Variants in ADAMTS14 observed in about 807,000 individuals in gnomAD.
The protein encoded by ADAMTS14 is ADAM metallopeptidase with thrombospondin type 1 motif 14, also known as A disintegrin and metalloproteinase with thrombospondin motifs 14.
ADAMTS14 carries 100 observed loss-of-function variants against 128.6 expected under a neutral mutation model. The ratio of observed to expected loss-of-function variants is 0.78; its 90% CI spans 0.66 to 0.92. ADAMTS14 has a LOEUF of 0.92. ADAMTS14 is among the 40% of genes least tolerant of loss of function. The pLI is 0.00. For missense variants in ADAMTS14, 1,562 were observed against 1,658.6 expected, an observed-to-expected ratio of 0.94 and a Z score of 1.01; for synonymous variants, 665 against 653.8, an observed-to-expected ratio of 1.02 and a Z score of -0.26.
chr10:70,717,476 G>A (rs10999479), intron 4 of ADAMTS14, among the ~76,000 whole-genome samples: 2 of 151,984 alleles, frequency 1.3e-5, no homozygotes, highest in Admixed American at 1.3e-4. Context: ...TGGCATCTAG[G>A]TGTGGCGGGA....
Position 70,757,839 on chromosome 10 carries a change from C to T in ADAMTS14, c.2938-123C>T, listed in dbSNP as rs1842512150. The T allele has an allele frequency of 5.7e-6, 8 of 1,392,132 alleles. 1 individual carries two copies. The South Asian group carries it at 7.0e-5, about 12-fold the overall frequency. The allele number at this position is 1,392,132 out of a possible 1,614,324, so 86.2% of individuals were successfully genotyped here. A position where few individuals can be genotyped will look rare whatever the true frequency, so the allele number is the denominator to read the frequency against. ...CCTCTGGTCAAGTGAAGACTTGGTG[C>T]TCTCCTTTGTACCCTTTCTGTCCCC... On this transcript the variant is annotated intron_variant, in intron 19 of 21. Coordinates refer to ENST00000373207, the MANE Select transcript of ADAMTS14 (RefSeq NM_080722.4).
In ADAMTS14 at chr10:70,734,042, G is replaced by A; in HGVS notation, c.1352+14G>A. Reference sequence around the variant, plus strand: ...CCGCTACCTCCCGTAGGTCATTCCTGCCCTCAGAGCTGGGATAGGGGAGCA... The same window carrying A: ...CCGCTACCTCCCGTAGGTCATTCCTACCCTCAGAGCTGGGATAGGGGAGCA... On this transcript the variant is annotated intron_variant, in intron 8 of 21. Coordinates refer to ENST00000373207, the MANE Select transcript of ADAMTS14 (RefSeq NM_080722.4). The A allele has an allele frequency of 1.2e-6, 2 of 1,609,590 alleles. No individual in the cohort carries two copies. Among genetic ancestry groups the A allele is most frequent in the Non-Finnish European group, 1.7e-6 (2 of 1,179,226 alleles).
rs33982477 is a variant in ADAMTS14, at chr10:70,755,313, CAAA to C, written c.2937+1321_2937+1323del. Among the ~76,000 whole-genome samples the C allele has an allele frequency of 2.2e-3, 261 of 118,194 alleles. 1 individual carries two copies. Among genetic ancestry groups the C allele is most frequent in the Middle Eastern group, 8.3e-3 (2 of 242 alleles). The allele number at this position is 118,194 out of a possible 152,430, so 77.5% of individuals were successfully genotyped here. A position where few individuals can be genotyped will look rare whatever the true frequency, so the allele number is the denominator to read the frequency against. On this transcript the variant is annotated intron_variant, in intron 19 of 21. Transcript: ENST00000373207. ...AGTGACAGAGCAAGAGCTTGTCTCA[CAAA>C]AAAAAAAAAAAAAAGAAAAGAAATA...
intron 4 of ADAMTS14, among the ~76,000 whole-genome samples, chr10:70,712,646 C>A (rs183230416): frequency 1.3e-5 from 2 of 152,216 alleles, no homozygotes; most frequent in South Asian, 2.1e-4. Context: ...AACCTGCCTG[C>A]GTGCAGACAG....
chr10:70,734,058 T>C (rs1330069850), intron 8 of ADAMTS14, 30 bp downstream of exon 8: 66 of 1,600,306 alleles, frequency 4.1e-5, no homozygotes, highest in Non-Finnish European at 5.4e-5. Context: ...AGAGCTGGGA[T>C]AGGGGAGCAT....
Position 70,754,146 on chromosome 10 carries a change from A to G in ADAMTS14, c.2937+139A>G, listed in dbSNP as rs578046473. 120 of 771,424 alleles carry G rather than the reference A, an allele frequency of 1.6e-4. No homozygotes were observed. In the African/African-American group the frequency reaches 1.9e-3, roughly 12 times the overall value. The allele number at this position is 771,424 out of a possible 1,614,324, so 47.8% of individuals were successfully genotyped here. A position where few individuals can be genotyped will look rare whatever the true frequency, so the allele number is the denominator to read the frequency against. On this transcript the variant is annotated intron_variant, in intron 19 of 21. Coordinates refer to ENST00000373207, the MANE Select transcript of ADAMTS14 (RefSeq NM_080722.4). Reference sequence around the variant, plus strand: ...AATTTTGTTTTCCTTAAAGTAGAATAGCTCCTACGTACCCTGGGCCGTGGC... The same window carrying G: ...AATTTTGTTTTCCTTAAAGTAGAATGGCTCCTACGTACCCTGGGCCGTGGC...
At chr10:70,735,007 T>C (rs1841778789) in intron 8 of ADAMTS14, among the ~76,000 whole-genome samples, 162 bp from the exon 9 acceptor site, 1 of 152,208 alleles carries the variant, frequency 6.6e-6, no homozygotes, top group Non-Finnish European at 1.5e-5. Context: ...AGTGAGGGGC[T>C]GCTCAAGGCA....
Position 70,702,483 on chromosome 10 carries a change from G to C in ADAMTS14, c.679+15G>C, listed in dbSNP as rs1251371163. The C allele has an allele frequency of 1.9e-6, 3 of 1,590,028 alleles. No homozygotes were observed. Among genetic ancestry groups the C allele is most frequent in the Non-Finnish European group, 2.6e-6 (3 of 1,167,708 alleles). On this transcript the variant is annotated intron_variant, in intron 3 of 21. Transcript: ENST00000373207. ...GCACAATGAAGGTAGGCTGTAGGTA[G>C]GGGCCTGTGTGCTGCTTCTCTCCCT...
At position 70,730,185 on chromosome 10, in the gene ADAMTS14, C is replaced by A; in HGVS notation, c.1038C>A (p.Asp346Glu). 1 of 1,613,958 alleles carries A rather than the reference C, an allele frequency of 6.2e-7. No homozygotes were observed. The highest frequency in any genetic ancestry group is 8.5e-7 in the Non-Finnish European group (1 of 1,180,022). ...GGGCACACTCCCAGCAGCGCCAGGA[C>A]CCCAGCCACGCTGAGCACCATGACC... ...CRWAHSQQRQ[D>E]PSHAEHHDHV... The change falls in exon 6 of 22, where the codon GAC becomes GAA. Residue 346 changes from aspartate to glutamate, a missense_variant. By Grantham distance (45) the Asp-to-Glu change is conservative (BLOSUM62 2). Transcript: ENST00000373207.
At chr10:70,714,412 C>T (rs536875436) in intron 4 of ADAMTS14, among the ~76,000 whole-genome samples, 1 of 152,306 alleles carries the variant, frequency 6.6e-6, no homozygotes, top group African/African-American at 2.4e-5. Context: ...GGGCTGGGAT[C>T]TGAGCACCAC....
intron 2 of ADAMTS14, among the ~76,000 whole-genome samples, chr10:70,692,696 A>G (rs1840225962): frequency 6.6e-6 from 1 of 152,248 alleles, no homozygotes; most frequent in Non-Finnish European, 1.5e-5. Flanking sequence ...CTTATTGCCT[A>G]AAGACAAGTC....
In ADAMTS14 at chr10:70,679,072, C is replaced by A. The variant is rs575488613; in HGVS notation, c.522+4077C>A. ...GAGGGGTTTGTAGGCTAGTGGGGAC[C>A]CAGACATAAAAGCAAACTTGAGAAT... is the stretch of plus-strand genomic sequence containing the variant. On this transcript the variant is annotated intron_variant, in intron 2 of 21. Coordinates refer to ENST00000373207, the MANE Select transcript of ADAMTS14 (RefSeq NM_080722.4). Among the ~76,000 whole-genome samples, 8 of 152,160 alleles carry A rather than the reference C, an allele frequency of 5.3e-5. No homozygotes were observed. The East Asian group carries it at 1.3e-3, about 26-fold the overall frequency.
intron 4 of ADAMTS14, among the ~76,000 whole-genome samples, chr10:70,717,953 A>G (rs1270318347): frequency 6.6e-6 from 1 of 152,010 alleles, no homozygotes; most frequent in Non-Finnish European, 1.5e-5. Flanking sequence ...CCCCTTTCTG[A>G]GCCTGGGGCC....
chr10:70,678,025 TA>T (rs1447087832), intron 2 of ADAMTS14, among the ~76,000 whole-genome samples: 6 of 152,192 alleles, frequency 3.9e-5, no homozygotes, highest in African/African-American at 7.2e-5. Flanking sequence ...CAGGAGATCA[TA>T]AAGAAAATGA....
At chr10:70,715,930 T>G (rs1238583593) in intron 4 of ADAMTS14, among the ~76,000 whole-genome samples, 1 of 152,210 alleles carries the variant, frequency 6.6e-6, no homozygotes, top group African/African-American at 2.4e-5. Flanking sequence ...GGTGTTCCCC[T>G]GACGTCCCTA....
chr10:70,754,075 C>G (rs1842423994), intron 19 of ADAMTS14, 68 bp downstream of exon 19: 1 of 1,396,690 alleles, frequency 7.2e-7, no homozygotes, highest in African/African-American at 1.4e-5. Context: ...TTTTGGTGTT[C>G]CCTGCAGGCA....
At chr10:70,722,422 T>C (rs573679813) in intron 4 of ADAMTS14, among the ~76,000 whole-genome samples, 65 of 152,184 alleles carry the variant, frequency 4.3e-4, no homozygotes, top group Non-Finnish European at 8.1e-4. Context: ...GGAAGGTGTA[T>C]GAGCAGGTCA....
At chr10:70,706,988 GGGCA>G (rs1005569422) in intron 3 of ADAMTS14, among the ~76,000 whole-genome samples, 3 of 152,300 alleles carry the variant, frequency 2.0e-5, no homozygotes, top group Non-Finnish European at 2.9e-5. Context: ...GATTGTGCAG[GGGCA>G]GGGCCCTCTG....
At chr10:70,750,104 G>A (rs1842308289) in intron 16 of ADAMTS14, 119 bp downstream of exon 16, 1 of 1,312,150 alleles carries the variant, frequency 7.6e-7, no homozygotes, top group Non-Finnish European at 1.0e-6. Context: ...CTGGGCAAGG[G>A]CAAGGCACCT....
Sources: gnomAD v4.1 joint callset for allele counts (sites outside exome capture counted in the v4.1 genomes callset) on GRCh38, gnomAD v4.1.1 for gene constraint, MANE v1.5 for transcripts, NCBI Gene and HGNC (gene_info 2026-07-23, HGNC 2026-07-21) for gene names.